MED25: variants seen among roughly 807,000 people sequenced by gnomAD.
MED25 encodes the protein mediator of RNA polymerase II transcription subunit 25.
In MED25, 62 loss-of-function variants were observed where a neutral mutation model predicts 89.4. The observed-to-expected ratio is 0.69, with a 90% CI of 0.57 to 0.86. The LOEUF (loss-of-function observed/expected upper bound fraction) is 0.86, where lower values mean the gene tolerates loss of function less well. Among genes scored for constraint, MED25 ranks in the 40% least tolerant of loss-of-function variants. The pLI is 0.00. For synonymous variants in MED25, 449 were observed against 427.9 expected (o/e 1.05, Z -0.61); for missense variants, 905 against 1,005.2 (o/e 0.90, Z 1.35).
intron 4 of MED25, 135 bp from the exon 5 acceptor site, chr19:49,828,835 C>G: frequency 3.3e-6 from 5 of 1,510,892 alleles, no homozygotes; most frequent in South Asian, 1.2e-5. Context: ...CCTCAGTGTT[C>G]TCAGCTGTAA....
Position 49,818,310 on chromosome 19 carries a change from C to A in MED25, c.-32C>A. ...GCTCATTCCGCGGCGTCGGCTGCGGCTGCAGTGGTGGTGGCGGGTACCGCA... is the reference window on the plus strand; with the variant it reads ...GCTCATTCCGCGGCGTCGGCTGCGGATGCAGTGGTGGTGGCGGGTACCGCA... On this transcript the variant is annotated 5_prime_UTR_variant, in exon 1 of 18. The change creates a new upstream start codon in the 5' untranslated region. Transcript: ENST00000312865. 1 of 1,564,902 alleles carries A rather than the reference C, an allele frequency of 6.4e-7. No individual in the cohort carries two copies. The highest frequency in any genetic ancestry group is 8.7e-7 in the Non-Finnish European group (1 of 1,154,322).
Position 49,835,200 on chromosome 19 carries a change from C to T in MED25, c.1674+23C>T. 6.2e-7 allele frequency: 1 copy of T among 1,613,364 alleles called. No individual in the cohort carries two copies. The highest frequency in any genetic ancestry group is 8.5e-7 in the Non-Finnish European group (1 of 1,179,614). ...GGAGTGAGTGTTGACAGTCCCCAAA[C>T]CAGCACTCCGACCCCCTCCTGCCCG... On this transcript the variant is annotated intron_variant, in intron 14 of 17. Transcript: ENST00000312865. The surrounding 1 kb of genome is among the most constrained non-coding windows in gnomAD (Gnocchi z 6.2).
rs763995731 is a variant in MED25, at chr19:49,831,984, C to G, written c.1279C>G (p.Leu427Val). 7.4e-6 allele frequency: 12 copies of G among 1,614,118 alleles called. No homozygotes were observed. The highest frequency in any genetic ancestry group is 1.0e-5 in the Non-Finnish European group (12 of 1,180,022). Reference protein sequence around the residue: ...VDANTKLTRSLPCQVYVNHGE... With the variant: ...VDANTKLTRSVPCQVYVNHGE... ...TGCCAACACCAAGCTGACGCGGTCA[C>G]TGCCCTGCCAGGTCTACGTGAATCA... Residue 427 changes from leucine (L) to valine (V), a missense_variant, in exon 11 of 18, where the codon CTG becomes GTG. Leu to Val is a conservative substitution (Grantham distance 32, BLOSUM62 1). Transcript: ENST00000312865. The surrounding 1 kb of genome is among the most constrained non-coding windows in gnomAD (Gnocchi z 5.0).
In MED25 at chr19:49,820,331, AC is replaced by A. The variant is rs374743921; in HGVS notation, c.305+1036del. ...GTGACAGCAGGGATACAGAGGCAGA[AC>A]AAAAACAGTTAATCAAATTGTTGTA... On this transcript the variant is annotated intron_variant, in intron 3 of 17. Transcript: ENST00000312865. Among the ~76,000 whole-genome samples, 1,155 of 152,324 alleles carry A rather than the reference AC, an allele frequency of 7.6e-3. 8 individuals are homozygous for A. The highest frequency in any genetic ancestry group is 0.033 in the South Asian group (159 of 4,830).
rs1018543816 is a variant in MED25, at chr19:49,828,838, A to G, written c.405-132A>G. The G allele has an allele frequency of 2.0e-6, 3 of 1,515,210 alleles. No individual in the cohort carries two copies. The African/African-American group carries it at 4.1e-5, about 21-fold the overall frequency. 93.9% of individuals were successfully genotyped at this position (1,515,210 alleles called of 1,614,324 possible). On this transcript the variant is annotated intron_variant, in intron 4 of 17. Transcript: ENST00000312865. The stretch of plus-strand genomic sequence containing the variant: ...AACCTCTTGGAGCCTCAGTGTTCTC[A>G]GCTGTAAAGTAGGGGCGTTGCTTCT...
chr19:49,836,041 G>A lies in MED25; in HGVS notation c.1965+96G>A, dbSNP rs1304903358. 13 of 1,558,096 alleles carry A rather than the reference G, an allele frequency of 8.3e-6. No individual in the cohort carries two copies. Among genetic ancestry groups the A allele is most frequent in the Non-Finnish European group, 1.0e-5 (12 of 1,152,752 alleles). ...AGGAGGGAGGTTGACTGTGGTCAGTGGGTGTGAATGGGGACCCGCCCAGGG... is the reference window on the plus strand; with the variant it reads ...AGGAGGGAGGTTGACTGTGGTCAGTAGGTGTGAATGGGGACCCGCCCAGGG... On this transcript the variant is annotated intron_variant, in intron 16 of 17. Transcript: ENST00000312865. This position sits in a 1 kb window ranked among gnomAD's most constrained non-coding sequence, Gnocchi z 5.1.
In MED25 at chr19:49,830,396, T is replaced by C. The variant is rs905275442; in HGVS notation, c.820-115T>C. 6 of 1,221,666 alleles carry C rather than the reference T, an allele frequency of 4.9e-6. No individual in the cohort carries two copies. The African/African-American group carries it at 8.9e-5, about 18-fold the overall frequency. 75.7% of individuals were successfully genotyped at this position (1,221,666 alleles called of 1,614,324 possible). A position where few individuals can be genotyped will look rare whatever the true frequency, so the allele number is the denominator to read the frequency against. ...GTGCTGTGTGATGGGTGTTGTGAGCTAAGCTATCCCAGCTGGTGCCTCATG... is the reference window on the plus strand; with the variant it reads ...GTGCTGTGTGATGGGTGTTGTGAGCCAAGCTATCCCAGCTGGTGCCTCATG... On this transcript the variant is annotated intron_variant, in intron 7 of 17. Coordinates refer to ENST00000312865, the MANE Select transcript of MED25 (RefSeq NM_030973.4). This position sits in a 1 kb window ranked among gnomAD's most constrained non-coding sequence, Gnocchi z 4.6.
Position 49,832,430 on chromosome 19 carries a change from T to G in MED25, c.1482+15T>G, listed in dbSNP as rs1568624178. 6.9e-7 allele frequency: 1 copy of G among 1,445,822 alleles called. No homozygotes were observed. Among genetic ancestry groups the G allele is most frequent in the Non-Finnish European group, 9.7e-7 (1 of 1,031,358 alleles). 89.6% of individuals were successfully genotyped at this position (1,445,822 alleles called of 1,614,324 possible). ...GCAACGGCTTCGTGAGTCCAGGGCA[T>G]GGGGGGCCGAGGGGTGTTGACTCTT... On this transcript the variant is annotated intron_variant, in intron 13 of 17. Coordinates refer to ENST00000312865, the MANE Select transcript of MED25 (RefSeq NM_030973.4).
chr19:49,834,756 C>CT lies in MED25; in HGVS notation c.1483-227dup, dbSNP rs2074083327. 1.7e-6 allele frequency: 1 copy of CT among 583,324 alleles called. No individual in the cohort carries two copies. The highest frequency in any genetic ancestry group is 3.0e-5 in the Admixed American group (1 of 33,558). The allele number at this position is 583,324 out of a possible 1,614,324, so 36.1% of individuals were successfully genotyped here. A position where few individuals can be genotyped will look rare whatever the true frequency, so the allele number is the denominator to read the frequency against. On this transcript the variant is annotated intron_variant, in intron 13 of 17. Transcript: ENST00000312865. This position sits in a 1 kb window ranked among gnomAD's most constrained non-coding sequence, Gnocchi z 4.1. ...AAGGTTGAAGAGCTGGGCTCCAGCA[C>CT]TTTCTCTCCGCTTTCCCTCTCAGTG... is the stretch of plus-strand genomic sequence containing the variant.
intron 3 of MED25, among the ~76,000 whole-genome samples, chr19:49,824,533 CGAGA>C (rs2074002737): frequency 6.7e-6 from 1 of 149,498 alleles, no homozygotes; most frequent in African/African-American, 2.5e-5. Flanking sequence ...TGCAGTGAGC[CGAGA>C]TTGTGCCACC....
At position 49,818,364 on chromosome 19, in the gene MED25, C is replaced by T. The variant is rs980805046; in HGVS notation, c.23C>T (p.Pro8Leu). 7 of 1,605,444 alleles carry T rather than the reference C, an allele frequency of 4.4e-6. No homozygotes were observed. Among genetic ancestry groups the T allele is most frequent in the African/African-American group, 4.0e-5 (3 of 74,632 alleles). ...GGTATGGTCCCCGGGTCCGAGGGCCCGGCCCGCGCCGGGAGCGTGGTGGCC... is the reference window on the plus strand; with the variant it reads ...GGTATGGTCCCCGGGTCCGAGGGCCTGGCCCGCGCCGGGAGCGTGGTGGCC... MVPGSEG[P>L]ARAGSVVADV... The change falls in exon 1 of 18, where the codon CCG (proline) becomes CTG (leucine). Residue 8 changes from proline to leucine, a missense_variant. Physicochemically the swap from Pro to Leu is moderately conservative, Grantham distance 98. Around this residue, in one of 3 missense-constraint regions of MED25, gnomAD observed 501 missense variants for 526.9 expected, o/e 0.95. Coordinates refer to ENST00000312865, the MANE Select transcript of MED25 (RefSeq NM_030973.4).
intron 3 of MED25, among the ~76,000 whole-genome samples, chr19:49,827,895 C>T (rs2074025810): frequency 6.6e-6 from 1 of 152,010 alleles, no homozygotes; most frequent in Admixed American, 6.6e-5. Context: ...GCTTGGGGTC[C>T]CCAGCCCTTT....
At chr19:49,828,417 A>C in intron 3 of MED25, 32 bp from the exon 4 acceptor site, 1 of 1,460,784 alleles carries the variant, frequency 6.8e-7, no homozygotes, top group South Asian at 1.1e-5. Flanking sequence ...GGATGATGGC[A>C]ACCCTGGGGG....
chr19:49,818,937 T>C, intron 2 of MED25: 1 of 542,430 alleles, frequency 1.8e-6, no homozygotes, highest in Non-Finnish European at 3.2e-6. Flanking sequence ...TTCCTGGGTC[T>C]GAGGGAGGAG....
Position 49,829,122 on chromosome 19 carries a change from C to T in MED25, c.525+32C>T. On this transcript the variant is annotated intron_variant, in intron 5 of 17. Transcript: ENST00000312865. This position sits in a 1 kb window ranked among gnomAD's most constrained non-coding sequence, Gnocchi z 4.6. The stretch of plus-strand genomic sequence containing the variant: ...ACTCCAGGGTCTGAGGGACGAGGGT[C>T]TGGGGGCCCGGAGTCTTGGGTCTGA... The T allele has an allele frequency of 6.3e-7, 1 of 1,599,802 alleles. No individual in the cohort carries two copies. The highest frequency in any genetic ancestry group is 2.3e-5 in the East Asian group (1 of 44,314).
In MED25 at chr19:49,835,258, C is replaced by A; in HGVS notation, c.1674+81C>A. The A allele has an allele frequency of 1.4e-6, 2 of 1,434,478 alleles. No homozygotes were observed. Among genetic ancestry groups the A allele is most frequent in the Non-Finnish European group, 2.0e-6 (2 of 1,017,676 alleles). 88.9% of individuals were successfully genotyped at this position (1,434,478 alleles called of 1,614,324 possible). On this transcript the variant is annotated intron_variant, in intron 14 of 17. Transcript: ENST00000312865. The surrounding 1 kb of genome is among the most constrained non-coding windows in gnomAD (Gnocchi z 6.2). ...CATGGCCCCCTGGGGTCTCCAGGAC[C>A]AAGATGCCCACCCTTCTCCCAATAT... is the stretch of plus-strand genomic sequence containing the variant.
intron 11 of MED25, 22 bp from the exon 12 acceptor site, chr19:49,832,078 C>A (rs570852452): frequency 1.2e-6 from 2 of 1,613,910 alleles, no homozygotes; most frequent in East Asian, 4.5e-5. Context: ...CCTCCTCACA[C>A]CTCTCCTGGC....
rs979581014 is a variant in MED25 at position 49,818,769 on chromosome 19, G to A, written c.180+153G>A. ...TCCTTGTTCTGAGGGAGGAGGGCCTGGGGGCCTGGACTCCTGGGTCTGAGG... is the reference window on the plus strand; with the variant it reads ...TCCTTGTTCTGAGGGAGGAGGGCCTAGGGGCCTGGACTCCTGGGTCTGAGG... On this transcript the variant is annotated intron_variant, in intron 2 of 17. Transcript: ENST00000312865. 1.7e-5 allele frequency: 13 copies of A among 784,510 alleles called. No homozygotes were observed. In the African/African-American group the frequency reaches 2.3e-4, roughly 14 times the overall value. 48.6% of individuals were successfully genotyped at this position (784,510 alleles called of 1,614,324 possible). A position where few individuals can be genotyped will look rare whatever the true frequency, so the allele number is the denominator to read the frequency against.
Position 49,834,871 on chromosome 19 carries a change from C to T in MED25, c.1483-115C>T. 1 of 1,091,340 alleles carries T rather than the reference C, an allele frequency of 9.2e-7. No individual in the cohort carries two copies. The highest frequency in any genetic ancestry group is 1.4e-6 in the Non-Finnish European group (1 of 717,982). The allele number at this position is 1,091,340 out of a possible 1,614,324, so 67.6% of individuals were successfully genotyped here. ...ACCTGTTCTCCTTAACCTTCTATAG[C>T]AGAAACCTCACCTCACCTTGCCTGT... is the stretch of plus-strand genomic sequence containing the variant. On this transcript the variant is annotated intron_variant, in intron 13 of 17. Transcript: ENST00000312865. This position sits in a 1 kb window ranked among gnomAD's most constrained non-coding sequence, Gnocchi z 4.1.
Sources: gnomAD v4.1 joint callset for allele counts (sites outside exome capture counted in the v4.1 genomes callset) on GRCh38, gnomAD v4.1.1 for gene constraint, gnomAD v4.1.1 regional missense constraint, Gnocchi (gnomAD v3.1) non-coding constraint, MANE v1.5 for transcripts, NCBI Gene and HGNC (gene_info 2026-07-23, HGNC 2026-07-21) for gene names.